Variants in GRM1 observed in about 807,000 individuals in gnomAD.
GRM1 encodes the protein glutamate metabotropic receptor 1, also known as metabotropic glutamate receptor 1.
In GRM1, 33 loss-of-function variants were observed where a neutral mutation model predicts 90.9. The ratio of observed to expected loss-of-function variants is 0.36; its 90% CI spans 0.28 to 0.49. The LOEUF is 0.49. Ranked by LOEUF, GRM1 falls within the 20% of genes least tolerant of loss-of-function variation. The pLI, the probability that GRM1 is intolerant of heterozygous loss-of-function variation, is 0.99. For synonymous variants in GRM1, 700 were observed against 613.2 expected (o/e 1.14, Z -2.09); for missense variants, 1,190 against 1,534.3 (o/e 0.78, Z 3.75).
At chr6:146,383,480 CTCA>C (rs1776392141) in intron 5 of GRM1, among the ~76,000 whole-genome samples, 1 of 152,018 alleles carries the variant, frequency 6.6e-6, no homozygotes, top group Non-Finnish European at 1.5e-5. Flanking sequence ...TCAATTTTTT[CTCA>C]TATCATTTAG....
intron 2 of GRM1, among the ~76,000 whole-genome samples, chr6:146,286,570 A>G (rs139988972): frequency 5.1e-4 from 77 of 152,338 alleles, no homozygotes; most frequent in African/African-American, 1.7e-3. Flanking sequence ...AGAATGAGTT[A>G]TTTAGATTTT....
At chr6:146,217,127 T>C (rs765796482) in intron 2 of GRM1, among the ~76,000 whole-genome samples, 42 of 152,326 alleles carry the variant, frequency 2.8e-4, no homozygotes, top group African/African-American at 6.5e-4. Context: ...AATTACCTAG[T>C]TATATTGATT....
At chr6:146,271,253 C>T (rs572468855) in intron 2 of GRM1, among the ~76,000 whole-genome samples, 2 of 152,226 alleles carry the variant, frequency 1.3e-5, no homozygotes, top group South Asian at 4.1e-4. Flanking sequence ...ATCTGCCTGC[C>T]TCAGCCTCCC....
rs143956217 is a variant in GRM1 at position 146,144,875 on chromosome 6, C to A, written c.701-14473C>A. 5.0e-4 allele frequency among the ~76,000 whole-genome samples: 76 copies of A among 152,162 alleles called. 1 individual carries two copies. In the East Asian group the frequency reaches 0.013, roughly 26 times the overall value. On this transcript the variant is annotated intron_variant, in intron 1 of 7. Coordinates refer to ENST00000282753, the MANE Select transcript of GRM1 (RefSeq NM_001278064.2). ...CCAGAATGGTAATAGAAACATAGAT[C>A]GTAAAGGCCATTGTGTTAAAATTTA...
chr6:146,432,079 G>A (rs1778431729), intron 7 of GRM1, among the ~76,000 whole-genome samples: 1 of 152,152 alleles, frequency 6.6e-6, no homozygotes. Context: ...ACAAGATAGT[G>A]TGGAAGTCAA....
In GRM1 at chr6:146,435,251, G is replaced by T; in HGVS notation, c.*455G>T. Reference sequence around the variant, plus strand: ...ACCTGATGGCATTCGGAGTGAGCTGGTGGAGCCAGACAGAGCAGGTGCGGG... The same window carrying T: ...ACCTGATGGCATTCGGAGTGAGCTGTTGGAGCCAGACAGAGCAGGTGCGGG... On this transcript the variant is annotated 3_prime_UTR_variant, in exon 8 of 8. Coordinates refer to ENST00000282753, the MANE Select transcript of GRM1 (RefSeq NM_001278064.2). The T allele has an allele frequency of 3.2e-6, 1 of 312,582 alleles. No individual in the cohort carries two copies. The highest frequency in any genetic ancestry group is 2.9e-5 in the South Asian group (1 of 34,480). 19.4% of individuals were successfully genotyped at this position (312,582 alleles called of 1,614,324 possible).
chr6:146,315,756 T>C (rs1427036403), intron 3 of GRM1, among the ~76,000 whole-genome samples: 1 of 152,214 alleles, frequency 6.6e-6, no homozygotes, highest in Non-Finnish European at 1.5e-5. Context: ...TCTGTCACTG[T>C]CCAAGTTGAG....
chr6:146,309,682 C>T (rs1165593692), intron 3 of GRM1, among the ~76,000 whole-genome samples: 2 of 151,634 alleles, frequency 1.3e-5, no homozygotes, highest in African/African-American at 2.4e-5. Flanking sequence ...GTCATTTAGA[C>T]GACTTTTAAT....
intron 2 of GRM1, among the ~76,000 whole-genome samples, chr6:146,301,542 G>T (rs1465441826): frequency 6.6e-6 from 1 of 152,118 alleles, no homozygotes; most frequent in Non-Finnish European, 1.5e-5. Flanking sequence ...TTCTTGTACA[G>T]ACTGTAAACA....
At chr6:146,155,089 T>A (rs1042989329) in intron 1 of GRM1, among the ~76,000 whole-genome samples, 2 of 152,174 alleles carry the variant, frequency 1.3e-5, no homozygotes, top group Non-Finnish European at 2.9e-5. Flanking sequence ...GGAACTATCA[T>A]GAGTACATCA....
intron 5 of GRM1, among the ~76,000 whole-genome samples, chr6:146,370,183 A>T (rs1400342612): frequency 6.6e-6 from 1 of 152,028 alleles, no homozygotes; most frequent in East Asian, 1.9e-4. Flanking sequence ...ATGTTGTGCA[A>T]GTTTAAGTGA....
At chr6:146,256,546 A>T (rs1485675674) in intron 2 of GRM1, among the ~76,000 whole-genome samples, 1 of 152,068 alleles carries the variant, frequency 6.6e-6, no homozygotes, top group Non-Finnish European at 1.5e-5. Context: ...TGATAAGTTT[A>T]TCTAAGGCTA....
intron 2 of GRM1, among the ~76,000 whole-genome samples, chr6:146,269,024 A>G (rs1352992964): frequency 1.3e-5 from 2 of 152,324 alleles, no homozygotes; most frequent in South Asian, 2.1e-4. Flanking sequence ...TCAGAGTTCT[A>G]ATTTTTTTTC....
intron 1 of GRM1, among the ~76,000 whole-genome samples, chr6:146,067,447 C>G (rs1187109183): frequency 6.6e-6 from 1 of 152,000 alleles, no homozygotes; most frequent in Non-Finnish European, 1.5e-5. Context: ...TTTAGAGAGT[C>G]AATTACTAAA....
intron 2 of GRM1, among the ~76,000 whole-genome samples, chr6:146,262,114 A>G (rs1781716441): frequency 6.6e-6 from 1 of 151,920 alleles, no homozygotes; most frequent in Non-Finnish European, 1.5e-5. Context: ...AAAAGACACA[A>G]AGGTATAAAC....
At chr6:146,161,106 G>C (rs531256192) in intron 2 of GRM1, among the ~76,000 whole-genome samples, 11 of 152,258 alleles carry the variant, frequency 7.2e-5, no homozygotes, top group Admixed American at 5.9e-4. Context: ...AGACATTCAG[G>C]CCTTTCCATT....
intron 5 of GRM1, among the ~76,000 whole-genome samples, chr6:146,374,944 A>G (rs1032400771): frequency 6.6e-6 from 1 of 151,848 alleles, no homozygotes; most frequent in Non-Finnish European, 1.5e-5. Context: ...TAGTTCCTTA[A>G]GATGCACTGT....
At chr6:146,384,442 G>A (rs1037504489) in intron 5 of GRM1, among the ~76,000 whole-genome samples, 3 of 152,048 alleles carry the variant, frequency 2.0e-5, no homozygotes, top group Non-Finnish European at 2.9e-5. Context: ...CTCAAACAGT[G>A]ACTATTCTAG....
intron 1 of GRM1, among the ~76,000 whole-genome samples, chr6:146,078,991 G>A (rs1277666913): frequency 2.0e-5 from 3 of 152,160 alleles, no homozygotes; most frequent in Non-Finnish European, 2.9e-5. Context: ...AGTGGGAGGG[G>A]TTCCTGTTAA....
Sources: gnomAD v4.1 joint callset for allele counts (sites outside exome capture counted in the v4.1 genomes callset) on GRCh38, gnomAD v4.1.1 for gene constraint, MANE v1.5 for transcripts, NCBI Gene and HGNC (gene_info 2026-07-23, HGNC 2026-07-21) for gene names.